The following TVP23B variants were observed in gnomAD, a reference collection of about 807,000 sequenced individuals.
TVP23B encodes the protein trans-golgi network vesicle protein 23 homolog B.
A neutral mutation model predicts 30.6 loss-of-function variants in TVP23B; 10 were observed. The ratio of observed to expected loss-of-function variants is 0.33; its 90% confidence interval spans 0.20 to 0.55. The LOEUF (loss-of-function observed/expected upper bound fraction) is 0.55, where lower values mean the gene tolerates loss of function less well. Among genes scored for constraint, TVP23B ranks in the 20% least tolerant of loss-of-function variants. The pLI is 0.91. For missense variants in TVP23B, 153 were observed against 243.2 expected, an observed-to-expected ratio of 0.63 and a Z score of 2.47; for synonymous variants, 67 against 83.1, an observed-to-expected ratio of 0.81 and a Z score of 1.06.
intron 1 of TVP23B, among the ~76,000 whole-genome samples, chr17:18,787,872 A>G (rs2035932224): frequency 6.6e-6 from 1 of 152,042 alleles, no homozygotes; most frequent in African/African-American, 2.4e-5. Context: ...GTAGAGTGAC[A>G]TGGTGTGATT....
At chr17:18,792,393 A>G (rs1490181457) in intron 3 of TVP23B, among the ~76,000 whole-genome samples, 1 of 152,236 alleles carries the variant, frequency 6.6e-6, no homozygotes, top group Non-Finnish European at 1.5e-5. Flanking sequence ...CAGTTTCCAT[A>G]GGCCGCATAA....
intron 3 of TVP23B, among the ~76,000 whole-genome samples, chr17:18,792,056 G>A (rs1051622683): frequency 4.0e-5 from 6 of 151,122 alleles, no homozygotes; most frequent in African/African-American, 1.2e-4. Flanking sequence ...TTTTTGAGAC[G>A]GAGTTTCACT....
chr17:18,782,982 G>A (rs978138776), intron 1 of TVP23B, among the ~76,000 whole-genome samples: 2 of 150,588 alleles, frequency 1.3e-5, no homozygotes, highest in Non-Finnish European at 3.0e-5. Context: ...TCCTATTGAA[G>A]ATGGAGTTGT....
At chr17:18,805,452 A>C in intron 6 of TVP23B, 89 bp from the exon 7 acceptor site, 2 of 1,572,870 alleles carry the variant, frequency 1.3e-6, no homozygotes, top group Non-Finnish European at 1.7e-6. Context: ...GAAATATAGA[A>C]TGTTTTCCTA....
At chr17:18,785,989 G>A (rs988880779) in intron 1 of TVP23B, among the ~76,000 whole-genome samples, 8 of 152,074 alleles carry the variant, frequency 5.3e-5, no homozygotes, top group Non-Finnish European at 4.4e-5. Flanking sequence ...TGTGGGTAGG[G>A]GTTCTGGAGA....
At chr17:18,798,554 C>G (rs1023259312) in intron 4 of TVP23B, among the ~76,000 whole-genome samples, 1 of 152,100 alleles carries the variant, frequency 6.6e-6, no homozygotes, top group African/African-American at 2.4e-5. Flanking sequence ...GAATAGAATC[C>G]TATCAGAGAC....
intron 3 of TVP23B, among the ~76,000 whole-genome samples, chr17:18,793,388 A>G (rs2151847464): frequency 6.6e-6 from 1 of 150,482 alleles, no homozygotes; most frequent in African/African-American, 2.4e-5. Flanking sequence ...CGGGTGGATC[A>G]TGAGGTCAGG....
In TVP23B at chr17:18,793,994, C is replaced by T. The variant is rs191676067; in HGVS notation, c.240+2954C>T. Among the ~76,000 whole-genome samples the T allele has an allele frequency of 4.6e-3, 704 of 151,618 alleles. 5 individuals carry two copies. The highest frequency in any genetic ancestry group is 0.016 in the African/African-American group (681 of 41,356). ...TGAGATATGGATCAGAGTAAGAAAG[C>T]ACTAAGAGGAACAGAAAAAGGTGAT... On this transcript the variant is annotated intron_variant, in intron 3 of 6. Coordinates refer to ENST00000307767, the MANE Select transcript of TVP23B (RefSeq NM_016078.6).
chr17:18,795,536 C>T (rs2036064641), intron 3 of TVP23B, among the ~76,000 whole-genome samples: 1 of 152,130 alleles, frequency 6.6e-6, no homozygotes, highest in Non-Finnish European at 1.5e-5. Context: ...TCCCACATCA[C>T]CTTCATACAG....
At chr17:18,801,172 A>G (rs1295168980) in intron 5 of TVP23B, among the ~76,000 whole-genome samples, 1 of 152,200 alleles carries the variant, frequency 6.6e-6, no homozygotes, top group Non-Finnish European at 1.5e-5. Context: ...ATCTCCTGTT[A>G]TCTCACCCTC....
At position 18,804,143 on chromosome 17, in the gene TVP23B, G is replaced by A. The variant is rs1175494825; in HGVS notation, c.468G>A (p.Val156=). ...TATTTTTTCCCTTGTCCCAGGCGGT[G>A]GTTATCATGGGTGTGGTGCTACAAG... ...LFSFRVKWLA[V]VIMGVVLQGA... Residue 156 remains valine (V), a synonymous_variant, in exon 6 of 7, where the codon GTG becomes GTA. Coordinates refer to ENST00000307767, the MANE Select transcript of TVP23B (RefSeq NM_016078.6). 1 of 1,613,892 alleles carries A rather than the reference G, an allele frequency of 6.2e-7. No homozygotes were observed. Among genetic ancestry groups the A allele is most frequent in the Non-Finnish European group, 8.5e-7 (1 of 1,179,842 alleles).
rs1168557440 is a variant in TVP23B, at chr17:18,781,191, G to T, written c.-103G>T. The T allele has an allele frequency of 1.3e-6, 2 of 1,519,992 alleles. No homozygotes were observed. The highest frequency in any genetic ancestry group is 2.8e-5 in the African/African-American group (2 of 72,250). The allele number at this position is 1,519,992 out of a possible 1,614,324, so 94.2% of individuals were successfully genotyped here. On this transcript the variant is annotated 5_prime_UTR_variant, in exon 1 of 7. Coordinates refer to ENST00000307767, the MANE Select transcript of TVP23B (RefSeq NM_016078.6). ...GAGGCCGGACTGAGGCTCTTACAGT[G>T]GTCCCTGCTGGCCCTTGGTGACGGG...
At chr17:18,787,834 G>A (rs930803513) in intron 1 of TVP23B, among the ~76,000 whole-genome samples, 3 of 151,940 alleles carry the variant, frequency 2.0e-5, no homozygotes, top group African/African-American at 7.3e-5. Flanking sequence ...TCCTATACTT[G>A]TAGGGATGCC....
intron 3 of TVP23B, chr17:18,796,789 T>C (rs1427232717): frequency 6.6e-6 from 1 of 152,210 alleles, no homozygotes; most frequent in Non-Finnish European, 1.5e-5. Flanking sequence ...AACCACTGAA[T>C]CTATTAGTGG....
Position 18,793,087 on chromosome 17 carries a change from A to G in TVP23B, c.240+2047A>G, listed in dbSNP as rs1403284444. ...ATCTCATAATGTTTTAAGAAAGTTT[A>G]CAAATTTCTCCTGGGCCGCATTCAA... is the stretch of plus-strand genomic sequence containing the variant. On this transcript the variant is annotated intron_variant, in intron 3 of 6. Coordinates refer to ENST00000307767, the MANE Select transcript of TVP23B (RefSeq NM_016078.6). Among the ~76,000 whole-genome samples the G allele has an allele frequency of 3.3e-5, 5 of 152,312 alleles. No individual in the cohort carries two copies. The East Asian group carries it at 7.7e-4, about 23-fold the overall frequency.
chr17:18,804,246 G>T lies in TVP23B; in HGVS notation c.571G>T (p.Gly191Ter). Residue 191 changes from glycine (G) to a stop codon, truncating the protein, a stop_gained, in exon 6 of 7, where the codon GGA becomes TGA. Coordinates refer to ENST00000307767, the MANE Select transcript of TVP23B (RefSeq NM_016078.6). LOFTEE classifies it high-confidence loss of function. ...AACCAGCATGGCTACTTCATATTTT[G>T]GAAAGCAGTTTTTAAGACAAGTAAG... ...HLTSMATSYF[G>*]KQFLRQNTGD... is the part of the protein sequence containing the mutation. 1 of 1,604,830 alleles carries T rather than the reference G, an allele frequency of 6.2e-7. No homozygotes were observed. The highest frequency in any genetic ancestry group is 8.5e-7 in the Non-Finnish European group (1 of 1,174,250).
chr17:18,781,364 C>T (rs1281050106), intron 1 of TVP23B, 59 bp downstream of exon 1: 12 of 1,552,950 alleles, frequency 7.7e-6, no homozygotes, highest in South Asian at 7.1e-5. Context: ...TCTGCAGGTT[C>T]CGTGGGACTG....
intron 5 of TVP23B, among the ~76,000 whole-genome samples, chr17:18,802,036 C>A (rs796671356): frequency 2.0e-5 from 3 of 151,984 alleles, no homozygotes; most frequent in Admixed American, 6.5e-5. Context: ...TCCTGGCTAA[C>A]ATGGTGAAAC....
At chr17:18,783,925 T>C (rs1330437069) in intron 1 of TVP23B, among the ~76,000 whole-genome samples, 6 of 152,214 alleles carry the variant, frequency 3.9e-5, no homozygotes, top group Admixed American at 3.9e-4. Context: ...AGCGGGTGGA[T>C]CACGAGGTCA....
Sources: allele counts gnomAD v4.1 joint callset (sites outside exome capture counted in the v4.1 genomes callset), GRCh38; gene constraint gnomAD v4.1.1; transcripts MANE v1.5; gene names NCBI Gene and HGNC (gene_info 2026-07-23, HGNC 2026-07-21).